Variants in OVOL2 observed in about 807,000 individuals in gnomAD.
The protein encoded by OVOL2 is ovo like zinc finger 2.
Under a neutral mutation model 18.1 loss-of-function variants are expected in OVOL2, and 13 were observed. The ratio of observed to expected loss-of-function variants is 0.72; its 90% CI spans 0.47 to 1.14. OVOL2 has a LOEUF of 1.14. Ranked by LOEUF, OVOL2 falls within the 50% of genes most tolerant of loss-of-function variation. The pLI is 0.00. For missense variants in OVOL2, 335 were observed against 383.0 expected, an observed-to-expected ratio of 0.87 and a Z score of 1.05; for synonymous variants, 166 against 162.7, an observed-to-expected ratio of 1.02 and a Z score of -0.16.
In OVOL2 at chr20:18,024,353, G is replaced by T; in HGVS notation, c.*283C>A. ...CTTCCGTGTGTGAAAATCCTTGGGG[G>T]AAAAAAAAATCCCACACGGTGTTCT... On this transcript the variant is annotated 3_prime_UTR_variant, in exon 4 of 4. Transcript: ENST00000278780. 1 of 371,290 alleles carries T rather than the reference G, an allele frequency of 2.7e-6. No homozygotes were observed. The allele number at this position is 371,290 out of a possible 1,614,324, so 23.0% of individuals were successfully genotyped here.
At chr20:18,054,766 C>CAAAAAAAAAAAAAAAAAAAA (rs745367889) in intron 2 of OVOL2, among the ~76,000 whole-genome samples, 5 of 63,462 alleles carry the variant, frequency 7.9e-5, no homozygotes, top group East Asian at 3.9e-4. Flanking sequence ...AACTCCATCT[C>CAAAAAAAAAAAAAAAAAAAA]AAAAAAAAAA....
At chr20:18,041,143 C>T (rs573613791) in intron 3 of OVOL2, among the ~76,000 whole-genome samples, 1 of 152,078 alleles carries the variant, frequency 6.6e-6, no homozygotes, top group South Asian at 2.1e-4. Context: ...GGCCCTAACG[C>T]CCCATCATCT....
At chr20:18,034,414 C>G (rs1389336762) in intron 3 of OVOL2, among the ~76,000 whole-genome samples, 9 of 152,210 alleles carry the variant, frequency 5.9e-5, no homozygotes. Context: ...CAGCAAAACC[C>G]ATGCTCATCC....
intron 3 of OVOL2, among the ~76,000 whole-genome samples, chr20:18,026,850 C>T (rs926879919): frequency 3.3e-5 from 5 of 152,002 alleles, no homozygotes; most frequent in East Asian, 1.9e-4. Context: ...CCTACACTGG[C>T]GAAGGTCACC....
At chr20:18,041,445 G>T in intron 3 of OVOL2, 89 bp downstream of exon 3, 2 of 1,436,968 alleles carry the variant, frequency 1.4e-6, no homozygotes, top group Non-Finnish European at 1.9e-6. Context: ...ATTGTTCCAC[G>T]GTCTCAACCT....
At position 18,039,924 on chromosome 20, in the gene OVOL2, AC is replaced by A. The variant is rs368835947; in HGVS notation, c.511+1609del. Among the ~76,000 whole-genome samples the A allele has an allele frequency of 1.7e-4, 26 of 151,810 alleles. 2 individuals carry two copies. Among genetic ancestry groups the A allele is most frequent in the African/African-American group, 6.3e-4 (26 of 41,392 alleles). On this transcript the variant is annotated intron_variant, in intron 3 of 3. Coordinates refer to ENST00000278780, the MANE Select transcript of OVOL2 (RefSeq NM_021220.4). ...AGGGCTCGGGGACTATAGATAGCAA[AC>A]CCTTTTTTTTTCCCCTTGAGACCGG...
intron 2 of OVOL2, among the ~76,000 whole-genome samples, chr20:18,055,297 C>T (rs2036810202): frequency 6.6e-6 from 1 of 152,138 alleles, no homozygotes; most frequent in Non-Finnish European, 1.5e-5. Context: ...TGCAGAGGCT[C>T]CCAAAACAAC....
intron 3 of OVOL2, 67 bp from the exon 4 acceptor site, chr20:18,025,019 A>C: frequency 1.3e-6 from 2 of 1,512,264 alleles, no homozygotes; most frequent in East Asian, 2.3e-5. Context: ...CCAACTATGA[A>C]GCCAGTAAAA....
intron 2 of OVOL2, among the ~76,000 whole-genome samples, chr20:18,054,734 C>CAGCTAAGATCCAGCCATTGCACT (rs1362381763): frequency 7.0e-6 from 1 of 143,782 alleles, no homozygotes; most frequent in Non-Finnish European, 1.5e-5. Context: ...CCATTGCACT[C>CAGCTAAGATCCAGCCATTGCACT]CAGCCTGGGC....
At chr20:18,026,739 G>C (rs1338680194) in intron 3 of OVOL2, among the ~76,000 whole-genome samples, 2 of 152,094 alleles carry the variant, frequency 1.3e-5, no homozygotes. Flanking sequence ...TGGCTTTCAA[G>C]AGCCACAGGT....
chr20:18,033,422 T>A (rs1005787218), intron 3 of OVOL2, among the ~76,000 whole-genome samples: 7 of 152,178 alleles, frequency 4.6e-5, no homozygotes, highest in African/African-American at 1.7e-4. Context: ...CAGCATGGGT[T>A]TATGACCTCC....
At chr20:18,030,268 C>G (rs79767374) in intron 3 of OVOL2, among the ~76,000 whole-genome samples, 15,903 of 152,296 alleles carry the variant, frequency 0.1, 919 homozygotes, top group African/African-American at 0.12. Flanking sequence ...CCCAGTAGAT[C>G]AAGCGGCAAA....
chr20:18,029,863 C>CA (rs1210997024), intron 3 of OVOL2, among the ~76,000 whole-genome samples: 1 of 152,012 alleles, frequency 6.6e-6, no homozygotes, highest in African/African-American at 2.4e-5. Flanking sequence ...CCTGTGGTCC[C>CA]AGCTACTCAG....
Position 18,028,573 on chromosome 20 carries a change from G to A in OVOL2, c.512-3621C>T, listed in dbSNP as rs550964235. On this transcript the variant is annotated intron_variant, in intron 3 of 3. Coordinates refer to ENST00000278780, the MANE Select transcript of OVOL2 (RefSeq NM_021220.4). ...TTTGGGAGGCCGGGCTGGGTGGATCGCCTGAGGTCGGGAGTTCGAGACCTG... is the reference window on the plus strand; with the variant it reads ...TTTGGGAGGCCGGGCTGGGTGGATCACCTGAGGTCGGGAGTTCGAGACCTG... Among the ~76,000 whole-genome samples the A allele has an allele frequency of 3.6e-4, 55 of 152,056 alleles. 1 individual carries two copies. The highest frequency in any genetic ancestry group is 1.2e-3 in the African/African-American group (51 of 41,508).
chr20:18,033,289 C>T (rs1421945258), intron 3 of OVOL2, among the ~76,000 whole-genome samples: 2 of 152,354 alleles, frequency 1.3e-5, no homozygotes, highest in Admixed American at 6.5e-5. Flanking sequence ...GCCCCCTCCC[C>T]ACCTCCCTGA....
intron 3 of OVOL2, among the ~76,000 whole-genome samples, chr20:18,031,275 T>C (rs2036568337): frequency 6.6e-6 from 1 of 152,190 alleles, no homozygotes; most frequent in African/African-American, 2.4e-5. Flanking sequence ...TCATAGCTCT[T>C]GCATGGCTGC....
At position 18,057,824 on chromosome 20, in the gene OVOL2, C is replaced by G. The variant is rs981240023; in HGVS notation, c.-190G>C. On this transcript the variant is annotated 5_prime_UTR_variant, in exon 1 of 4. Transcript: ENST00000278780. The surrounding 1 kb of genome is among the most constrained non-coding windows in gnomAD (Gnocchi z 6.3). ...CGCACGCCTGGCGACTCCCAGCCTC[C>G]CGGCTCGGCGACACCTATGCCTTAA... 118 of 1,365,302 alleles carry G rather than the reference C, an allele frequency of 8.6e-5. 1 individual carries two copies. The highest frequency in any genetic ancestry group is 3.7e-5 in the Admixed American group (1 of 26,742). The allele number at this position is 1,365,302 out of a possible 1,614,324, so 84.6% of individuals were successfully genotyped here. A position where few individuals can be genotyped will look rare whatever the true frequency, so the allele number is the denominator to read the frequency against.
At chr20:18,031,300 G>T (rs947853463) in intron 3 of OVOL2, among the ~76,000 whole-genome samples, 2 of 152,188 alleles carry the variant, frequency 1.3e-5, no homozygotes, top group African/African-American at 4.8e-5. Context: ...AGGATTAGCC[G>T]AGATAGACTA....
chr20:18,036,333 T>A (rs780093553), intron 3 of OVOL2, among the ~76,000 whole-genome samples: 12 of 152,196 alleles, frequency 7.9e-5, no homozygotes, highest in Middle Eastern at 3.4e-3. Flanking sequence ...TTTTACACCT[T>A]CTTTTTTTGC....
Sources: gnomAD v4.1 joint callset for allele counts (sites outside exome capture counted in the v4.1 genomes callset) on GRCh38, gnomAD v4.1.1 for gene constraint, Gnocchi (gnomAD v3.1) non-coding constraint, MANE v1.5 for transcripts, NCBI Gene and HGNC (gene_info 2026-07-23, HGNC 2026-07-21) for gene names.